Variants in ANKRD55 observed in about 807,000 individuals in gnomAD.
The protein encoded by ANKRD55 is ankyrin repeat domain 55.
A neutral mutation model predicts 60.6 loss-of-function variants in ANKRD55; 41 were observed. That is an observed-to-expected ratio of 0.68 (90% CI 0.53 to 0.88). The LOEUF (loss-of-function observed/expected upper bound fraction) is 0.88. Among genes scored for constraint, ANKRD55 ranks in the 40% least tolerant of loss-of-function variants. The probability of loss-of-function intolerance (pLI) is 0.00; values close to 1 mark genes in which losing one functional copy is unlikely to be tolerated. For missense variants in ANKRD55, 732 were observed against 767.6 expected (o/e 0.95, Z 0.55); for synonymous variants, 264 against 290.3 (o/e 0.91, Z 0.92).
At chr5:56,157,898 C>A (rs1758235599) in intron 6 of ANKRD55, among the ~76,000 whole-genome samples, 1 of 152,172 alleles carries the variant, frequency 6.6e-6, no homozygotes, top group African/African-American at 2.4e-5. Context: ...GTGTCTCTTT[C>A]TTTTCTCAAG....
intron 7 of ANKRD55, among the ~76,000 whole-genome samples, chr5:56,137,850 T>G (rs1757650016): frequency 6.6e-6 from 1 of 152,070 alleles, no homozygotes; most frequent in Non-Finnish European, 1.5e-5. Flanking sequence ...ACAATGATAT[T>G]TAAATGGGCA....
intron 11 of ANKRD55, among the ~76,000 whole-genome samples, 165 bp downstream of exon 11, chr5:56,102,329 G>A (rs909242006): frequency 6.6e-6 from 1 of 152,004 alleles, no homozygotes; most frequent in African/African-American, 2.4e-5. Flanking sequence ...GGTGGAGGTT[G>A]CAGTGAGCTG....
chr5:56,178,494 AAAAAACCCTC>A (rs1160493883), intron 3 of ANKRD55, among the ~76,000 whole-genome samples: 1 of 151,678 alleles, frequency 6.6e-6, no homozygotes, highest in Non-Finnish European at 1.5e-5. Context: ...AATAGAAAAA[AAAAAACCCTC>A]AAAATAAAAC....
intron 11 of ANKRD55, among the ~76,000 whole-genome samples, chr5:56,100,659 T>C (rs534208642): frequency 6.6e-6 from 1 of 152,210 alleles, no homozygotes; most frequent in Non-Finnish European, 1.5e-5. Context: ...TACTGTGCTT[T>C]TATGCAAACC....
At chr5:56,184,585 C>A (rs1758926592) in intron 2 of ANKRD55, among the ~76,000 whole-genome samples, 1 of 152,142 alleles carries the variant, frequency 6.6e-6, no homozygotes, top group Non-Finnish European at 1.5e-5. Context: ...CATGCCTGAA[C>A]CAACTAATAG....
At chr5:56,226,472 AT>A (rs1224634877) in intron 2 of ANKRD55, among the ~76,000 whole-genome samples, 2 of 152,230 alleles carry the variant, frequency 1.3e-5, no homozygotes, top group Admixed American at 1.3e-4. Flanking sequence ...AAAAGCCAAA[AT>A]TGACAAATGG....
intron 6 of ANKRD55, 32 bp downstream of exon 6, chr5:56,159,801 A>G: frequency 1.2e-6 from 2 of 1,610,536 alleles, no homozygotes; most frequent in Non-Finnish European, 1.7e-6. Flanking sequence ...CACATGCAAA[A>G]TGACCACTTG....
At chr5:56,166,106 C>CTTTCTTTCTTTCTT (rs1758451606) in intron 5 of ANKRD55, among the ~76,000 whole-genome samples, 4 of 54,478 alleles carry the variant, frequency 7.3e-5, no homozygotes, top group Non-Finnish European at 7.7e-5. Context: ...TTCTTTCTTT[C>CTTTCTTTCTTTCTT]TTTCTTTCTT....
In ANKRD55 at chr5:56,172,090, A is replaced by G. The variant is rs1458344006; in HGVS notation, c.313-1287T>C. Among the ~76,000 whole-genome samples the G allele has an allele frequency of 5.3e-5, 8 of 151,606 alleles. No individual in the cohort carries two copies. The South Asian group carries it at 1.7e-3, about 32-fold the overall frequency. ...GCCGAGATCGCGCCACTGCACTCCA[A>G]CCTGGGCGACAGAACGAGACTCTGT... On this transcript the variant is annotated intron_variant, in intron 4 of 11. Coordinates refer to ENST00000341048, the MANE Select transcript of ANKRD55 (RefSeq NM_024669.3).
intron 2 of ANKRD55, among the ~76,000 whole-genome samples, chr5:56,227,960 C>A (rs1416387282): frequency 6.6e-6 from 1 of 152,284 alleles, no homozygotes; most frequent in African/African-American, 2.4e-5. Context: ...GCTTCCCCCA[C>A]CTCTTACTTG....
intron 2 of ANKRD55, among the ~76,000 whole-genome samples, chr5:56,203,893 T>C (rs1442588085): frequency 6.6e-6 from 1 of 152,110 alleles, no homozygotes; most frequent in Admixed American, 6.6e-5. Context: ...TAGTTCTAGA[T>C]CCCTGAGGAA....
intron 7 of ANKRD55, among the ~76,000 whole-genome samples, chr5:56,129,921 G>C (rs1757366435): frequency 6.6e-6 from 1 of 152,194 alleles, no homozygotes; most frequent in Admixed American, 6.5e-5. Context: ...ATCGGTTGGA[G>C]CCAGACATGT....
In ANKRD55 at chr5:56,154,722, G is replaced by A. The variant is rs946822661; in HGVS notation, c.483+5111C>T. 1.3e-5 allele frequency among the ~76,000 whole-genome samples: 2 copies of A among 151,726 alleles called. 1 individual carries two copies. Among genetic ancestry groups the A allele is most frequent in the Admixed American group, 1.3e-4 (2 of 15,216 alleles). ...GCCTGCCTCAGCCTCTGGAGTAGCT[G>A]GGGCTACAGGCATGAGCCACTACAG... is the stretch of plus-strand genomic sequence containing the variant. On this transcript the variant is annotated intron_variant, in intron 6 of 11. Transcript: ENST00000341048.
At chr5:56,160,017 C>G (rs1201840887) in intron 5 of ANKRD55, 124 bp from the exon 6 acceptor site, 1 of 748,956 alleles carries the variant, frequency 1.3e-6, no homozygotes, top group Non-Finnish European at 2.3e-6. Flanking sequence ...AGATGAGGGC[C>G]CTTTCCGTTT....
intron 2 of ANKRD55, among the ~76,000 whole-genome samples, chr5:56,225,328 G>A (rs538501241): frequency 1.3e-4 from 20 of 152,044 alleles, no homozygotes; most frequent in Non-Finnish European, 2.1e-4. Context: ...TTGATGGGAC[G>A]TATCTCAAAA....
chr5:56,109,038 A>AACACACACACAC (rs60023559), intron 10 of ANKRD55, among the ~76,000 whole-genome samples: 25 of 143,968 alleles, frequency 1.7e-4, no homozygotes, highest in Middle Eastern at 3.5e-3. Context: ...TCTGTCTCAA[A>AACACACACACAC]ACACACACAC....
chr5:56,155,220 TAAAA>T (rs35522199), intron 6 of ANKRD55, among the ~76,000 whole-genome samples: 1 of 141,144 alleles, frequency 7.1e-6, no homozygotes, highest in Non-Finnish European at 1.5e-5. Context: ...GAGACTGTCT[TAAAA>T]AAAAAAAAAA....
intron 5 of ANKRD55, among the ~76,000 whole-genome samples, chr5:56,165,419 C>T (rs1403291034): frequency 6.6e-6 from 1 of 152,168 alleles, no homozygotes; most frequent in African/African-American, 2.4e-5. Context: ...GTGTTTCATT[C>T]CTTAGCTTCT....
Position 56,111,648 on chromosome 5 carries a change from C to T in ANKRD55, c.1100G>A (p.Arg367Lys). ...EQRAHQKDPSRDRYREEDTSE... is the reference protein window; with the variant it reads ...EQRAHQKDPSKDRYREEDTSE... ...GGTGTCCTCCTCTCTGTATCGGTCC[C>T]TGCTGGGATCCTTCTGATGGGCTCT... The change falls in exon 10 of 12, where the codon AGG (arginine) becomes AAG (lysine). Residue 367 changes from arginine (R) to lysine (K), a missense_variant. By Grantham distance (26) the Arg-to-Lys change is conservative (BLOSUM62 2). Transcript: ENST00000341048. 6.5e-7 allele frequency: 1 copy of T among 1,538,344 alleles called. No individual in the cohort carries two copies. The highest frequency in any genetic ancestry group is 8.7e-7 in the Non-Finnish European group (1 of 1,148,758).
Sources: gnomAD v4.1 joint callset for allele counts (sites outside exome capture counted in the v4.1 genomes callset) on GRCh38, gnomAD v4.1.1 for gene constraint, MANE v1.5 for transcripts, NCBI Gene and HGNC (gene_info 2026-07-23, HGNC 2026-07-21) for gene names.